Variants in RAPGEF6 observed in about 807,000 individuals in gnomAD.
RAPGEF6 encodes the protein PDZ domain containing guanine nucleotide exchange factor (GEF) 2.
In RAPGEF6, 56 loss-of-function variants were observed where a neutral mutation model predicts 171.4. That is an observed-to-expected ratio of 0.33 (90% CI 0.26 to 0.41). The LOEUF (loss-of-function observed/expected upper bound fraction) is 0.41. Among genes scored for constraint, RAPGEF6 ranks in the 10% least tolerant of loss-of-function variants. The pLI, the probability that RAPGEF6 is intolerant of heterozygous loss-of-function variation, is 1.00. For missense variants in RAPGEF6, 1,674 were observed against 1,921.4 expected (o/e 0.87, Z 2.41); for synonymous variants, 692 against 650.1 (o/e 1.06, Z -0.98).
intron 1 of RAPGEF6, among the ~76,000 whole-genome samples, chr5:131,630,830 T>TCA (rs1233093584): frequency 3.9e-5 from 6 of 152,364 alleles, no homozygotes; most frequent in African/African-American, 1.4e-4. Flanking sequence ...AATTACACGA[T>TCA]GCAAACAAAT....
Position 131,547,915 on chromosome 5 carries a change from T to G in RAPGEF6, c.495+132A>C, listed in dbSNP as rs560614214. On this transcript the variant is annotated intron_variant, in intron 6 of 27. Coordinates refer to ENST00000509018, the MANE Select transcript of RAPGEF6 (RefSeq NM_016340.6). ...AACCAAACAGAAGCATTTAAAAAGA[T>G]TATATATTTACCTGCCCCAAATTTT... 8.9e-4 allele frequency: 804 copies of G among 902,548 alleles called. 3 individuals are homozygous for G. Among genetic ancestry groups the G allele is most frequent in the Non-Finnish European group, 1.2e-3 (730 of 594,010 alleles). The allele number at this position is 902,548 out of a possible 1,614,324, so 55.9% of individuals were successfully genotyped here.
intron 1 of RAPGEF6, among the ~76,000 whole-genome samples, chr5:131,610,455 T>C (rs1764869589): frequency 6.6e-6 from 1 of 152,234 alleles, no homozygotes; most frequent in Non-Finnish European, 1.5e-5. Context: ...TGCTTTTATG[T>C]AATGTGAACA....
At chr5:131,488,537 C>T (rs1756077087) in intron 15 of RAPGEF6, among the ~76,000 whole-genome samples, 1 of 152,082 alleles carries the variant, frequency 6.6e-6, no homozygotes, top group South Asian at 2.1e-4. Flanking sequence ...TGAAGGCTTA[C>T]TTACTTATTC....
intron 17 of RAPGEF6, among the ~76,000 whole-genome samples, chr5:131,468,789 A>G (rs2149843272): frequency 6.6e-6 from 1 of 152,340 alleles, no homozygotes; most frequent in South Asian, 2.1e-4. Flanking sequence ...TGAGTAAGGA[A>G]GAGAATTCAT....
At chr5:131,471,872 C>T (rs1346163791) in intron 17 of RAPGEF6, among the ~76,000 whole-genome samples, 1 of 152,058 alleles carries the variant, frequency 6.6e-6, no homozygotes, top group African/African-American at 2.4e-5. Flanking sequence ...TCTGCTTTTA[C>T]AAAATTACTA....
At chr5:131,558,496 T>A (rs974599436) in intron 5 of RAPGEF6, among the ~76,000 whole-genome samples, 4 of 152,276 alleles carry the variant, frequency 2.6e-5, no homozygotes, top group African/African-American at 9.6e-5. Flanking sequence ...TATTTTTATA[T>A]TGATCTTTAC....
At chr5:131,597,227 C>T (rs902547278) in intron 3 of RAPGEF6, among the ~76,000 whole-genome samples, 2 of 151,082 alleles carry the variant, frequency 1.3e-5, no homozygotes, top group African/African-American at 2.4e-5. Flanking sequence ...CAAGTGTTGG[C>T]GAGGATTTCA....
At chr5:131,497,098 G>A (rs1190720511) in intron 12 of RAPGEF6, among the ~76,000 whole-genome samples, 1 of 152,056 alleles carries the variant, frequency 6.6e-6, no homozygotes, top group Non-Finnish European at 1.5e-5. Flanking sequence ...TCTCATTGAG[G>A]TTATGACTGC....
chr5:131,479,317 T>C (rs912185168), intron 16 of RAPGEF6, among the ~76,000 whole-genome samples, 196 bp downstream of exon 16: 4 of 152,190 alleles, frequency 2.6e-5, no homozygotes, highest in African/African-American at 9.6e-5. Flanking sequence ...AATGCTATTA[T>C]ATAATCTGAA....
intron 24 of RAPGEF6, among the ~76,000 whole-genome samples, chr5:131,435,581 G>A (rs1421897337): frequency 2.0e-5 from 3 of 152,136 alleles, no homozygotes; most frequent in Admixed American, 2.0e-4. Flanking sequence ...GAAGTCTGGG[G>A]TGGGACACAG....
At chr5:131,438,254 C>T (rs1752149243) in intron 24 of RAPGEF6, among the ~76,000 whole-genome samples, 1 of 152,190 alleles carries the variant, frequency 6.6e-6, no homozygotes, top group Non-Finnish European at 1.5e-5. Flanking sequence ...CCTAGATGGT[C>T]TTTTTCCCAT....
At chr5:131,462,657 G>A (rs1273862536) in intron 18 of RAPGEF6, among the ~76,000 whole-genome samples, 1 of 152,140 alleles carries the variant, frequency 6.6e-6, no homozygotes, top group Non-Finnish European at 1.5e-5. Context: ...GCACTTATCA[G>A]TTACCACACA....
At chr5:131,435,370 A>C (rs1279868484) in intron 24 of RAPGEF6, among the ~76,000 whole-genome samples, 1 of 152,248 alleles carries the variant, frequency 6.6e-6, no homozygotes. Flanking sequence ...TGTAATAAGT[A>C]AATTAAAAAT....
chr5:131,591,567 T>G (rs1033180635), intron 4 of RAPGEF6, among the ~76,000 whole-genome samples: 2 of 152,212 alleles, frequency 1.3e-5, no homozygotes, highest in African/African-American at 2.4e-5. Flanking sequence ...TATGAACTCA[T>G]GAAGTCTGGC....
chr5:131,571,940 T>C (rs923907098), intron 4 of RAPGEF6, among the ~76,000 whole-genome samples: 2 of 151,852 alleles, frequency 1.3e-5, no homozygotes, highest in East Asian at 3.9e-4. Flanking sequence ...CTTTGTAACA[T>C]CCTCCCAGCC....
rs543061366 is a variant in RAPGEF6, at chr5:131,617,332, G to C, written c.70-12639C>G. On this transcript the variant is annotated intron_variant, in intron 1 of 27. Coordinates refer to ENST00000509018, the MANE Select transcript of RAPGEF6 (RefSeq NM_016340.6). ...CAAAAAAAAACCCAATTTGGACTCT[G>C]GAGACAACCGTGTTTAAATTATGCC... is the stretch of plus-strand genomic sequence containing the variant. Among the ~76,000 whole-genome samples, 65 of 152,202 alleles carry C rather than the reference G, an allele frequency of 4.3e-4. No homozygotes were observed. In the South Asian group the frequency reaches 0.013, roughly 32 times the overall value.
chr5:131,474,410 G>C (rs996008454), intron 16 of RAPGEF6, among the ~76,000 whole-genome samples: 2 of 152,066 alleles, frequency 1.3e-5, no homozygotes, highest in African/African-American at 2.4e-5. Flanking sequence ...AGGTTGCAGA[G>C]AGCAGCCTGG....
intron 5 of RAPGEF6, among the ~76,000 whole-genome samples, chr5:131,551,413 G>A (rs1334714614): frequency 6.6e-6 from 1 of 151,632 alleles, no homozygotes; most frequent in East Asian, 1.9e-4. Flanking sequence ...TCGGGAGGCT[G>A]AGGCAGAAGA....
intron 19 of RAPGEF6, among the ~76,000 whole-genome samples, chr5:131,460,279 T>C (rs561440623): frequency 6.6e-6 from 1 of 152,280 alleles, no homozygotes; most frequent in African/African-American, 2.4e-5. Context: ...GACACTATCA[T>C]AACTGTGCTA....
Sources: allele counts gnomAD v4.1 joint callset (sites outside exome capture counted in the v4.1 genomes callset), GRCh38; gene constraint gnomAD v4.1.1; transcripts MANE v1.5; gene names NCBI Gene and HGNC (gene_info 2026-07-23, HGNC 2026-07-21).